Variants in ITSN1 observed in about 807,000 individuals in gnomAD.
ITSN1 encodes intersectin-1.
In ITSN1, 58 loss-of-function variants were observed where a neutral mutation model predicts 239.8. The ratio of observed to expected loss-of-function variants is 0.24; its 90% CI spans 0.20 to 0.30. The LOEUF (loss-of-function observed/expected upper bound fraction) is 0.30, where lower values mean the gene tolerates loss of function less well. Among genes scored for constraint, ITSN1 ranks in the 10% least tolerant of loss-of-function variants. ITSN1 has a pLI of 1.00. For synonymous variants in ITSN1, 780 were observed against 770.8 expected (o/e 1.01, Z -0.20); for missense variants, 1,558 against 2,103.3 (o/e 0.74, Z 5.07).
chr21:33,826,499 A>G (rs1273937707), intron 25 of ITSN1, among the ~76,000 whole-genome samples: 1 of 152,258 alleles, frequency 6.6e-6, no homozygotes, highest in Non-Finnish European at 1.5e-5. Context: ...GTAAACTAAC[A>G]GTCTTCCTAG....
intron 1 of ITSN1, among the ~76,000 whole-genome samples, chr21:33,715,899 G>A (rs115314916): frequency 0.01 from 1,563 of 152,104 alleles, 28 homozygotes; most frequent in African/African-American, 0.035. Flanking sequence ...GCCTGGGGAC[G>A]GAGTGAGACT....
At chr21:33,819,835 A>C (rs1369080575) in intron 24 of ITSN1, among the ~76,000 whole-genome samples, 1 of 149,684 alleles carries the variant, frequency 6.7e-6, no homozygotes, top group Non-Finnish European at 1.5e-5. Flanking sequence ...ACAAAAAATT[A>C]GCCGGGCGCG....
At chr21:33,829,337 A>T (rs952213901) in intron 26 of ITSN1, 14 of 389,732 alleles carry the variant, frequency 3.6e-5, no homozygotes, top group African/African-American at 2.9e-4. Context: ...AGGAGTGGGC[A>T]AGGAGCGGAC....
At position 33,688,164 on chromosome 21, in the gene ITSN1, C is replaced by T. The variant is rs115600923; in HGVS notation, c.-32-30633C>T. 3.0e-3 allele frequency among the ~76,000 whole-genome samples: 457 copies of T among 151,528 alleles called. 3 individuals carry two copies. Among genetic ancestry groups the T allele is most frequent in the African/African-American group, 0.01 (421 of 41,292 alleles). Reference sequence around the variant, plus strand: ...GTTATTTCATGTATTTCTGTTAGAACGCTGGATAATGGACTTGAAACTTAC... The same window carrying T: ...GTTATTTCATGTATTTCTGTTAGAATGCTGGATAATGGACTTGAAACTTAC... On this transcript the variant is annotated intron_variant, in intron 1 of 39. Coordinates refer to ENST00000381318, the MANE Select transcript of ITSN1 (RefSeq NM_003024.3).
chr21:33,650,299 C>A (rs1018026002), intron 1 of ITSN1, among the ~76,000 whole-genome samples: 2 of 152,124 alleles, frequency 1.3e-5, no homozygotes, highest in Non-Finnish European at 2.9e-5. Context: ...TAGTGTCAGG[C>A]TTTAACCAAC....
intron 33 of ITSN1, among the ~76,000 whole-genome samples, chr21:33,873,504 T>C (rs766897663): frequency 2.6e-5 from 4 of 152,210 alleles, no homozygotes; most frequent in Admixed American, 6.5e-5. Context: ...ACGTGTCTCA[T>C]TTAGTTCTCC....
chr21:33,756,356 C>CT (rs1423583003), intron 8 of ITSN1, among the ~76,000 whole-genome samples: 2 of 150,324 alleles, frequency 1.3e-5, no homozygotes, highest in African/African-American at 2.4e-5. Flanking sequence ...ATAGAGACCT[C>CT]TGATATGAAT....
At chr21:33,695,168 TA>T (rs1369912552) in intron 1 of ITSN1, among the ~76,000 whole-genome samples, 1 of 152,212 alleles carries the variant, frequency 6.6e-6, no homozygotes, top group Non-Finnish European at 1.5e-5. Context: ...AAAGGAGTTG[TA>T]ACAGTTTGCC....
chr21:33,670,091 G>A (rs978966537), intron 1 of ITSN1, among the ~76,000 whole-genome samples: 43 of 152,174 alleles, frequency 2.8e-4, no homozygotes, highest in Admixed American at 2.8e-3. Context: ...GCCAGGTGCC[G>A]TGGCTCATGC....
chr21:33,830,730 A>G (rs984675086), intron 27 of ITSN1, among the ~76,000 whole-genome samples: 4 of 152,238 alleles, frequency 2.6e-5, no homozygotes, highest in Non-Finnish European at 5.9e-5. Flanking sequence ...TACATTAGAC[A>G]AAATTACTGT....
chr21:33,861,905 C>CACTGCACTCCAGCCTGGGCGACAGAGTG (rs1980612865), intron 31 of ITSN1, among the ~76,000 whole-genome samples: 1 of 148,668 alleles, frequency 6.7e-6, no homozygotes, highest in African/African-American at 2.5e-5. Flanking sequence ...GAGATCGCAC[C>CACTGCACTCCAGCCTGGGCGACAGAGTG]ACTGCACTCC....
At chr21:33,740,371 A>G (rs1193188625) in intron 5 of ITSN1, among the ~76,000 whole-genome samples, 2 of 152,224 alleles carry the variant, frequency 1.3e-5, no homozygotes, top group Admixed American at 1.3e-4. Flanking sequence ...TTTAAAGGTC[A>G]GGCAAAAGAG....
intron 5 of ITSN1, among the ~76,000 whole-genome samples, chr21:33,740,016 G>A (rs1027723150): frequency 2.6e-5 from 4 of 152,050 alleles, no homozygotes; most frequent in African/African-American, 7.2e-5. Context: ...TGTATTTTGG[G>A]AAAAAAGTAA....
chr21:33,772,706 T>C (rs897353723), intron 12 of ITSN1, among the ~76,000 whole-genome samples: 3 of 152,244 alleles, frequency 2.0e-5, no homozygotes, highest in Non-Finnish European at 4.4e-5. Flanking sequence ...TATTCCTGTT[T>C]ATGGCTGAGT....
rs1289989991 is a variant in ITSN1, at chr21:33,780,681, TAG to T, written c.1597-777_1597-776del. Reference sequence around the variant, plus strand: ...GTTTTTCAAACAAAAAGTCAATACATAGAGCTCATTTTTTATCAAGGTAAAAA... The same window carrying T: ...GTTTTTCAAACAAAAAGTCAATACATAGCTCATTTTTTATCAAGGTAAAAA... On this transcript the variant is annotated intron_variant, in intron 14 of 39. Coordinates refer to ENST00000381318, the MANE Select transcript of ITSN1 (RefSeq NM_003024.3). 2.0e-5 allele frequency among the ~76,000 whole-genome samples: 3 copies of T among 152,326 alleles called. No individual in the cohort carries two copies. The East Asian group carries it at 5.8e-4, about 29-fold the overall frequency.
intron 12 of ITSN1, among the ~76,000 whole-genome samples, 190 bp downstream of exon 12, chr21:33,772,513 A>G (rs1487405668): frequency 6.6e-6 from 1 of 152,172 alleles, no homozygotes; most frequent in Non-Finnish European, 1.5e-5. Flanking sequence ...CCCATTAAGC[A>G]GCTACTCCCC....
At chr21:33,743,074 GA>G (rs1446694416) in intron 5 of ITSN1, among the ~76,000 whole-genome samples, 1 of 152,070 alleles carries the variant, frequency 6.6e-6, no homozygotes, top group African/African-American at 2.4e-5. Context: ...AGAAATAAAA[GA>G]AAAATTCATT....
At chr21:33,768,776 G>A (rs1478200714) in intron 11 of ITSN1, among the ~76,000 whole-genome samples, 1 of 152,154 alleles carries the variant, frequency 6.6e-6, no homozygotes. Flanking sequence ...AATTGGTCTG[G>A]TCAGAACACT....
intron 4 of ITSN1, among the ~76,000 whole-genome samples, chr21:33,723,166 G>C (rs1218667385): frequency 6.6e-6 from 1 of 152,184 alleles, no homozygotes; most frequent in East Asian, 1.9e-4. Context: ...ATAATAAAAA[G>C]GGTGGCAAAT....
Sources: allele counts gnomAD v4.1 joint callset (sites outside exome capture counted in the v4.1 genomes callset), GRCh38; gene constraint gnomAD v4.1.1; transcripts MANE v1.5; gene names NCBI Gene and HGNC (gene_info 2026-07-23, HGNC 2026-07-21).